The following TRABD2B variants were observed in gnomAD, a reference collection of about 807,000 sequenced individuals.
The protein encoded by TRABD2B is metalloprotease TIKI2.
Under a neutral mutation model 40.1 loss-of-function variants are expected in TRABD2B, and 14 were observed. The ratio of observed to expected loss-of-function variants is 0.35; its 90% CI spans 0.23 to 0.55. The LOEUF is 0.55. Among genes scored for constraint, TRABD2B ranks in the 20% least tolerant of loss-of-function variants. TRABD2B has a pLI of 0.90. For missense variants in TRABD2B, 541 were observed against 648.6 expected (o/e 0.83, Z 1.80); for synonymous variants, 263 against 277.0 (o/e 0.95, Z 0.50).
chr1:47,932,660 C>T (rs1345029563), intron 2 of TRABD2B, among the ~76,000 whole-genome samples: 1 of 152,100 alleles, frequency 6.6e-6, no homozygotes, highest in Non-Finnish European at 1.5e-5. Context: ...AGTGAACAAG[C>T]GGGTGTAATT....
At chr1:47,975,306 T>C (rs539811786) in intron 2 of TRABD2B, among the ~76,000 whole-genome samples, 2 of 152,360 alleles carry the variant, frequency 1.3e-5, no homozygotes, top group Non-Finnish European at 2.9e-5. Flanking sequence ...ATTAAAAGTT[T>C]ATTTAAAAAA....
chr1:47,836,315 C>T (rs1453261376), intron 2 of TRABD2B, among the ~76,000 whole-genome samples: 1 of 152,184 alleles, frequency 6.6e-6, no homozygotes, highest in Non-Finnish European at 1.5e-5. Context: ...ATGAGTGTGC[C>T]ATGCATGTCA....
chr1:47,816,105 T>A (rs1469640544), intron 2 of TRABD2B, among the ~76,000 whole-genome samples: 1 of 152,136 alleles, frequency 6.6e-6, no homozygotes, highest in Admixed American at 6.5e-5. Flanking sequence ...GTCTGGCTGT[T>A]TTTGTGTCTT....
chr1:47,905,416 C>G (rs1017149814), intron 2 of TRABD2B, among the ~76,000 whole-genome samples: 1 of 152,140 alleles, frequency 6.6e-6, no homozygotes. Context: ...TTTCCCCAAC[C>G]CAGACTTATC....
chr1:47,873,487 C>T (rs941758558), intron 2 of TRABD2B, among the ~76,000 whole-genome samples: 11 of 152,254 alleles, frequency 7.2e-5, no homozygotes, highest in African/African-American at 2.6e-4. Context: ...CAAAAGTCAG[C>T]AGGGGCAGCA....
intron 2 of TRABD2B, among the ~76,000 whole-genome samples, chr1:47,860,058 T>C (rs973571789): frequency 6.6e-6 from 1 of 152,128 alleles, no homozygotes; most frequent in African/African-American, 2.4e-5. Context: ...TCCCAGGTGC[T>C]AGACAGTGCA....
intron 2 of TRABD2B, among the ~76,000 whole-genome samples, chr1:47,821,517 G>C (rs1432332769): frequency 6.6e-6 from 1 of 152,182 alleles, no homozygotes. Context: ...TCTCCAGGGC[G>C]GGAGTTGCCC....
chr1:47,962,982 G>T (rs531801105), intron 2 of TRABD2B, among the ~76,000 whole-genome samples: 1 of 152,328 alleles, frequency 6.6e-6, no homozygotes, highest in South Asian at 2.1e-4. Context: ...AGCCTCCCTG[G>T]TTTACCTCTG....
At chr1:47,809,092 T>C (rs1273069302) in intron 2 of TRABD2B, among the ~76,000 whole-genome samples, 2 of 151,980 alleles carry the variant, frequency 1.3e-5, no homozygotes, top group Non-Finnish European at 2.9e-5. Flanking sequence ...TCTGGAAACC[T>C]CTCTCCATCT....
intron 2 of TRABD2B, among the ~76,000 whole-genome samples, chr1:47,919,199 A>C (rs1223453989): frequency 1.3e-5 from 2 of 152,272 alleles, no homozygotes; most frequent in Non-Finnish European, 2.9e-5. Flanking sequence ...ATGAATAGAC[A>C]ATTATCTGAA....
intron 2 of TRABD2B, among the ~76,000 whole-genome samples, chr1:47,824,388 C>T (rs550828013): frequency 5.9e-5 from 9 of 152,302 alleles, no homozygotes; most frequent in African/African-American, 1.9e-4. Flanking sequence ...ACTCTGACGC[C>T]CACCTACTGA....
At chr1:47,888,644 T>C (rs1023286256) in intron 2 of TRABD2B, among the ~76,000 whole-genome samples, 16 of 152,166 alleles carry the variant, frequency 1.1e-4, no homozygotes, top group Non-Finnish European at 2.9e-5. Flanking sequence ...TATCCTCTTC[T>C]TTCCAGGCAC....
chr1:47,965,914 C>T (rs892227920), intron 2 of TRABD2B, among the ~76,000 whole-genome samples: 2 of 152,100 alleles, frequency 1.3e-5, no homozygotes, highest in African/African-American at 4.8e-5. Flanking sequence ...CCCCTCTATC[C>T]CGTCAAGAAG....
chr1:47,888,386 A>G (rs1168362726), intron 2 of TRABD2B, among the ~76,000 whole-genome samples: 1 of 152,148 alleles, frequency 6.6e-6, no homozygotes, highest in Non-Finnish European at 1.5e-5. Context: ...TCTCATCTGC[A>G]GGTGCAGTGC....
Position 47,880,781 on chromosome 1 carries a change from C to T in TRABD2B, c.667-79162G>A, listed in dbSNP as rs116817470. On this transcript the variant is annotated intron_variant, in intron 2 of 6. Coordinates refer to ENST00000606738, the MANE Select transcript of TRABD2B (RefSeq NM_001194986.2). ...CTGGGATCCAGTTAGCAGGCTTCTC[C>T]GCCTCTCACAATAAGATATGAGGGC... Among the ~76,000 whole-genome samples the T allele has an allele frequency of 5.9e-3, 902 of 152,284 alleles. 6 individuals are homozygous for T. Among genetic ancestry groups the T allele is most frequent in the African/African-American group, 0.02 (839 of 41,548 alleles).
chr1:47,767,442 G>A, intron 6 of TRABD2B, among the ~76,000 whole-genome samples: 1 of 152,310 alleles, frequency 6.6e-6, no homozygotes, highest in South Asian at 2.1e-4. Flanking sequence ...AAAAAAGAAC[G>A]TACAGAGCCC....
At chr1:47,978,005 A>G (rs1409715063) in intron 2 of TRABD2B, among the ~76,000 whole-genome samples, 1 of 152,022 alleles carries the variant, frequency 6.6e-6, no homozygotes, top group Non-Finnish European at 1.5e-5. Context: ...CTAAATGTCC[A>G]TAATATGTTC....
At chr1:47,876,218 G>A (rs1644223612) in intron 2 of TRABD2B, among the ~76,000 whole-genome samples, 1 of 152,148 alleles carries the variant, frequency 6.6e-6, no homozygotes, top group African/African-American at 2.4e-5. Context: ...CAACTCAAGT[G>A]GGGAGCATAA....
chr1:47,816,766 G>A lies in TRABD2B; in HGVS notation c.667-15147C>T, dbSNP rs1645037964. Among the ~76,000 whole-genome samples, 4 of 152,292 alleles carry A rather than the reference G, an allele frequency of 2.6e-5. No individual in the cohort carries two copies. The South Asian group carries it at 8.3e-4, about 32-fold the overall frequency. On this transcript the variant is annotated intron_variant, in intron 2 of 6. Transcript: ENST00000606738. ...GAGGTTAATCATTTGTTCCATGACAGGGAGTATGTGAAGTTTGTCACAAGT... is the reference window on the plus strand; with the variant it reads ...GAGGTTAATCATTTGTTCCATGACAAGGAGTATGTGAAGTTTGTCACAAGT...
Sources: gnomAD v4.1 joint callset for allele counts (sites outside exome capture counted in the v4.1 genomes callset) on GRCh38, gnomAD v4.1.1 for gene constraint, MANE v1.5 for transcripts, NCBI Gene and HGNC (gene_info 2026-07-23, HGNC 2026-07-21) for gene names.